The following GPC6 variants were observed in gnomAD, a reference collection of about 807,000 sequenced individuals.
The protein encoded by GPC6 is glypican 6, also known as glypican-6.
GPC6 carries 14 observed loss-of-function variants against 55.2 expected under a neutral mutation model. The observed-to-expected ratio is 0.25, with a 90% CI of 0.17 to 0.40. GPC6 has a LOEUF of 0.40. Ranked by LOEUF, GPC6 falls within the 10% of genes least tolerant of loss-of-function variation. GPC6 has a pLI of 1.00. For synonymous variants in GPC6, 278 were observed against 259.6 expected (o/e 1.07, Z -0.68); for missense variants, 641 against 708.5 (o/e 0.90, Z 1.08).
chr13:93,768,856 T>C (rs923695395), intron 2 of GPC6, among the ~76,000 whole-genome samples: 1 of 152,200 alleles, frequency 6.6e-6, no homozygotes, highest in Non-Finnish European at 1.5e-5. Context: ...ATTTATTTGC[T>C]TGCTCTCTGG....
chr13:94,005,470 A>C (rs1300333914), intron 3 of GPC6, among the ~76,000 whole-genome samples: 1 of 152,180 alleles, frequency 6.6e-6, no homozygotes, highest in Non-Finnish European at 1.5e-5. Context: ...CTCTTCTTTA[A>C]AAGGTACAAC....
chr13:94,400,728 C>T (rs1428421998), intron 8 of GPC6, among the ~76,000 whole-genome samples: 1 of 152,148 alleles, frequency 6.6e-6, no homozygotes, highest in Non-Finnish European at 1.5e-5. Flanking sequence ...TCAGGAGCAG[C>T]TCAACAGAGC....
intron 1 of GPC6, among the ~76,000 whole-genome samples, chr13:93,470,810 A>G (rs1879083271): frequency 6.6e-6 from 1 of 152,108 alleles, no homozygotes; most frequent in East Asian, 1.9e-4. Context: ...TTCAAAATCA[A>G]TTTCTTTTAA....
chr13:94,375,114 G>T (rs1455320419), intron 6 of GPC6, among the ~76,000 whole-genome samples: 1 of 150,412 alleles, frequency 6.6e-6, no homozygotes, highest in Non-Finnish European at 1.5e-5. Flanking sequence ...CAGCAGGAAA[G>T]ATCCAAAATT....
intron 2 of GPC6, among the ~76,000 whole-genome samples, chr13:93,561,519 A>G (rs1875805409): frequency 6.6e-6 from 1 of 151,254 alleles, no homozygotes; most frequent in Non-Finnish European, 1.5e-5. Context: ...TTTATATTTC[A>G]CATCCGCTAA....
At chr13:93,356,892 A>T (rs1474461359) in intron 1 of GPC6, among the ~76,000 whole-genome samples, 1 of 152,182 alleles carries the variant, frequency 6.6e-6, no homozygotes, top group Non-Finnish European at 1.5e-5. Flanking sequence ...GTATCTGATT[A>T]CTATATAGAA....
At chr13:93,834,732 C>T (rs1029699740) in intron 3 of GPC6, among the ~76,000 whole-genome samples, 2 of 152,220 alleles carry the variant, frequency 1.3e-5, no homozygotes, top group Non-Finnish European at 2.9e-5. Context: ...CCTGAGCTAC[C>T]CTCAGTTGTT....
intron 5 of GPC6, 48 bp from the exon 6 acceptor site, chr13:94,305,929 TAGG>T (rs753383868): frequency 5.1e-6 from 8 of 1,575,560 alleles, no homozygotes; most frequent in Non-Finnish European, 5.2e-6. Flanking sequence ...TTCATGAATT[TAGG>T]AGAAAACTCA....
chr13:93,369,583 A>C (rs1025669364), intron 1 of GPC6, among the ~76,000 whole-genome samples: 2 of 152,164 alleles, frequency 1.3e-5, no homozygotes, highest in African/African-American at 2.4e-5. Context: ...ATGTAAGGCT[A>C]TTAATAAATG....
At chr13:93,858,567 C>A (rs114317584) in intron 3 of GPC6, among the ~76,000 whole-genome samples, 1 of 151,300 alleles carries the variant, frequency 6.6e-6, no homozygotes, top group Admixed American at 6.6e-5. Flanking sequence ...TCAGCAAAGA[C>A]GATTGAGGAA....
chr13:94,025,981 A>G (rs1882881556), intron 3 of GPC6, among the ~76,000 whole-genome samples: 1 of 152,174 alleles, frequency 6.6e-6, no homozygotes, highest in African/African-American at 2.4e-5. Context: ...GTTAATGAGG[A>G]TGGGTAGAAG....
At chr13:93,741,117 CTTT>C (rs772541106) in intron 2 of GPC6, among the ~76,000 whole-genome samples, 1 of 77,184 alleles carries the variant, frequency 1.3e-5, no homozygotes, top group African/African-American at 5.1e-5. Context: ...CATCCAGAAT[CTTT>C]TTTTTTTTTT....
At chr13:93,660,017 C>G (rs1880856509) in intron 2 of GPC6, among the ~76,000 whole-genome samples, 1 of 151,982 alleles carries the variant, frequency 6.6e-6, no homozygotes, top group African/African-American at 2.4e-5. Context: ...AAACTTAAAA[C>G]TGTTCTCTTT....
chr13:93,962,061 T>A lies in GPC6; in HGVS notation c.712-65668T>A, dbSNP rs187858509. Among the ~76,000 whole-genome samples, 56 of 152,274 alleles carry A rather than the reference T, an allele frequency of 3.7e-4. 1 individual carries two copies. The highest frequency in any genetic ancestry group is 1.3e-3 in the African/African-American group (54 of 41,574). On this transcript the variant is annotated intron_variant, in intron 3 of 8. Coordinates refer to ENST00000377047, the MANE Select transcript of GPC6 (RefSeq NM_005708.5). The stretch of plus-strand genomic sequence containing the variant: ...TTCAGGTCGATATTATCATCTCCAT[T>A]TAACAATTAAAGAAACAAGTTCAGG...
Position 93,760,941 on chromosome 13 carries a change from A to G in GPC6, c.320-69213A>G, listed in dbSNP as rs1006000348. Among the ~76,000 whole-genome samples the G allele has an allele frequency of 3.3e-5, 5 of 152,308 alleles. No homozygotes were observed. The East Asian group carries it at 9.6e-4, about 29-fold the overall frequency. ...GTTCTTAAGTGCTTCTTAACATAGGATATGATCATTTCTAAGACAAAGTAT... is the reference window on the plus strand; with the variant it reads ...GTTCTTAAGTGCTTCTTAACATAGGGTATGATCATTTCTAAGACAAAGTAT... On this transcript the variant is annotated intron_variant, in intron 2 of 8. Coordinates refer to ENST00000377047, the MANE Select transcript of GPC6 (RefSeq NM_005708.5).
At chr13:93,575,840 A>G (rs1876637722) in intron 2 of GPC6, among the ~76,000 whole-genome samples, 1 of 152,172 alleles carries the variant, frequency 6.6e-6, no homozygotes, top group Non-Finnish European at 1.5e-5. Context: ...GCTTCTTAAG[A>G]TCATAGTCAC....
At chr13:93,672,231 G>GTA (rs754672326) in intron 2 of GPC6, among the ~76,000 whole-genome samples, 2 of 148,270 alleles carry the variant, frequency 1.3e-5, no homozygotes, top group African/African-American at 5.0e-5. Flanking sequence ...GTGTGTGTGT[G>GTA]TATATATGTA....
intron 2 of GPC6, among the ~76,000 whole-genome samples, chr13:93,669,260 A>G (rs1317653189): frequency 6.6e-6 from 1 of 152,178 alleles, no homozygotes; most frequent in Non-Finnish European, 1.5e-5. Flanking sequence ...CAGAGTAGTA[A>G]CCATAGATTA....
intron 2 of GPC6, among the ~76,000 whole-genome samples, chr13:93,603,094 C>T (rs570547809): frequency 6.6e-6 from 1 of 152,204 alleles, no homozygotes; most frequent in African/African-American, 2.4e-5. Context: ...ACTGTAGCCT[C>T]AACCTCCTGG....
Sources: allele counts gnomAD v4.1 joint callset (sites outside exome capture counted in the v4.1 genomes callset), GRCh38; gene constraint gnomAD v4.1.1; transcripts MANE v1.5; gene names NCBI Gene and HGNC (gene_info 2026-07-23, HGNC 2026-07-21).